AKAP6: variants seen among roughly 807,000 people sequenced by gnomAD.
AKAP6 encodes the protein A-kinase anchor protein 6.
AKAP6 carries 58 observed loss-of-function variants against 188.5 expected under a neutral mutation model. The observed-to-expected ratio is 0.31, with a 90% CI of 0.25 to 0.38. AKAP6 has a LOEUF of 0.38. AKAP6 is among the 10% of genes least tolerant of loss of function. The pLI is 1.00. For synonymous variants in AKAP6, 989 were observed against 998.6 expected, an observed-to-expected ratio of 0.99 and a Z score of 0.18; for missense variants, 2,710 against 2,740.0, an observed-to-expected ratio of 0.99 and a Z score of 0.24.
chr14:32,424,107 G>A (rs1889951245), intron 1 of AKAP6, among the ~76,000 whole-genome samples: 1 of 152,114 alleles, frequency 6.6e-6, no homozygotes, highest in Admixed American at 6.6e-5. Context: ...CTCTCATAAT[G>A]CTGATTTCTT....
chr14:32,638,507 G>A (rs1299522194), intron 7 of AKAP6, among the ~76,000 whole-genome samples: 1 of 152,090 alleles, frequency 6.6e-6, no homozygotes, highest in Non-Finnish European at 1.5e-5. Context: ...CATACAATCA[G>A]GAGATGATTG....
intron 11 of AKAP6, among the ~76,000 whole-genome samples, chr14:32,758,520 G>T (rs1211005867): frequency 6.6e-6 from 1 of 152,148 alleles, no homozygotes; most frequent in Admixed American, 6.5e-5. Flanking sequence ...GATCACCTGA[G>T]GTCAGGAGTT....
intron 12 of AKAP6, among the ~76,000 whole-genome samples, chr14:32,806,681 C>A (rs1180997088): frequency 2.0e-5 from 3 of 151,756 alleles, no homozygotes; most frequent in African/African-American, 4.8e-5. Context: ...TGTCCCCCTA[C>A]ACACACAAAA....
intron 1 of AKAP6, among the ~76,000 whole-genome samples, chr14:32,401,280 A>C (rs1889083793): frequency 6.6e-6 from 1 of 152,166 alleles, no homozygotes; most frequent in African/African-American, 2.4e-5. Flanking sequence ...TAAAAATTGA[A>C]ATGAGTCAGG....
intron 7 of AKAP6, among the ~76,000 whole-genome samples, chr14:32,660,487 G>A (rs1164370544): frequency 2.0e-5 from 3 of 152,110 alleles, no homozygotes; most frequent in Non-Finnish European, 4.4e-5. Context: ...ACTTCAATGT[G>A]TTGGTTGGTG....
At chr14:32,375,065 T>C (rs1393502768) in intron 1 of AKAP6, among the ~76,000 whole-genome samples, 1 of 152,180 alleles carries the variant, frequency 6.6e-6, no homozygotes, top group Non-Finnish European at 1.5e-5. Flanking sequence ...GTGATAAGAA[T>C]GTGATGAAAG....
At chr14:32,645,836 G>A (rs1366368520) in intron 7 of AKAP6, among the ~76,000 whole-genome samples, 7 of 152,100 alleles carry the variant, frequency 4.6e-5, no homozygotes, top group Non-Finnish European at 4.4e-5. Context: ...ACTTTTTAAT[G>A]GAAAATTCTT....
intron 1 of AKAP6, among the ~76,000 whole-genome samples, chr14:32,340,980 T>A (rs772595338): frequency 9.2e-5 from 14 of 152,244 alleles, no homozygotes; most frequent in Non-Finnish European, 1.6e-4. Context: ...TTTTAACATA[T>A]AAATTTTGGG....
intron 7 of AKAP6, among the ~76,000 whole-genome samples, chr14:32,659,554 G>C (rs1888599568): frequency 6.6e-6 from 1 of 152,020 alleles, no homozygotes; most frequent in Non-Finnish European, 1.5e-5. Flanking sequence ...GATTACTGGA[G>C]ACAAGTACAT....
At chr14:32,609,760 T>G (rs1886271471) in intron 7 of AKAP6, among the ~76,000 whole-genome samples, 3 of 152,014 alleles carry the variant, frequency 2.0e-5, no homozygotes, top group Non-Finnish European at 4.4e-5. Flanking sequence ...CAGTGAAATG[T>G]GGTAGAAGCT....
At chr14:32,689,756 G>T (rs1890091692) in intron 8 of AKAP6, among the ~76,000 whole-genome samples, 1 of 151,902 alleles carries the variant, frequency 6.6e-6, no homozygotes, top group African/African-American at 2.4e-5. Flanking sequence ...AGAGGATGAT[G>T]GGAAATTCTG....
At chr14:32,428,217 G>A (rs1473406242) in intron 1 of AKAP6, among the ~76,000 whole-genome samples, 5 of 152,086 alleles carry the variant, frequency 3.3e-5, no homozygotes, top group Non-Finnish European at 1.5e-5. Context: ...GAAGCGCTCT[G>A]TCCACCCAAA....
At chr14:32,511,240 G>T (rs114761324) in intron 2 of AKAP6, among the ~76,000 whole-genome samples, 4,529 of 152,210 alleles carry the variant, frequency 0.03, 241 homozygotes, top group African/African-American at 0.1. Context: ...AGCTTTCTCT[G>T]TCTTCCAGAG....
chr14:32,379,189 A>C (rs770378651), intron 1 of AKAP6, among the ~76,000 whole-genome samples: 3 of 152,158 alleles, frequency 2.0e-5, no homozygotes, highest in Admixed American at 1.3e-4. Flanking sequence ...CAAAGTGCTG[A>C]GATTACAGGT....
chr14:32,683,006 G>A (rs115517409), intron 8 of AKAP6, among the ~76,000 whole-genome samples: 1 of 96,714 alleles, frequency 1.0e-5, no homozygotes, highest in African/African-American at 4.7e-5. Flanking sequence ...TTTTTTTTTT[G>A]TTTTTGAGAC....
intron 7 of AKAP6, among the ~76,000 whole-genome samples, chr14:32,602,934 A>G (rs932306403): frequency 2.6e-5 from 4 of 152,196 alleles, no homozygotes; most frequent in African/African-American, 9.6e-5. Flanking sequence ...GTTAGAGATG[A>G]ACAGCTGGCT....
At chr14:32,773,102 A>G (rs867848826) in intron 11 of AKAP6, among the ~76,000 whole-genome samples, 31 of 152,122 alleles carry the variant, frequency 2.0e-4, no homozygotes, top group African/African-American at 7.5e-4. Context: ...CAGTATCTTA[A>G]TTTTCGCTTT....
intron 8 of AKAP6, among the ~76,000 whole-genome samples, chr14:32,691,654 G>A (rs1350174725): frequency 1.3e-5 from 2 of 152,038 alleles, no homozygotes; most frequent in African/African-American, 4.8e-5. Flanking sequence ...TGCCTCCTGG[G>A]TTCAAGCAAT....
intron 13 of AKAP6, among the ~76,000 whole-genome samples, chr14:32,826,165 C>T (rs2034667855): frequency 6.7e-6 from 1 of 149,588 alleles, no homozygotes; most frequent in Non-Finnish European, 1.5e-5. Flanking sequence ...GAAATGGGGA[C>T]TAAGGGGGGG....
Sources: gnomAD v4.1 joint callset for allele counts (sites outside exome capture counted in the v4.1 genomes callset) on GRCh38, gnomAD v4.1.1 for gene constraint, MANE v1.5 for transcripts, NCBI Gene and HGNC (gene_info 2026-07-23, HGNC 2026-07-21) for gene names.